The following RALYL variants were observed in gnomAD, a reference collection of about 807,000 sequenced individuals.
The protein encoded by RALYL is RALY RNA binding protein like, also known as RNA-binding Raly-like protein.
Under a neutral mutation model 35.1 loss-of-function variants are expected in RALYL, and 29 were observed. The ratio of observed to expected loss-of-function variants is 0.83; its 90% CI spans 0.61 to 1.13. The LOEUF is 1.13. RALYL is among the 50% of genes most tolerant of loss of function. The probability of loss-of-function intolerance (pLI) is 0.00; values close to 1 mark genes in which losing one functional copy is unlikely to be tolerated. For synonymous variants in RALYL, 120 were observed against 127.6 expected (o/e 0.94, Z 0.40); for missense variants, 359 against 360.4 (o/e 1.00, Z 0.03).
chr8:84,624,964 A>G (rs1280138028), intron 2 of RALYL, among the ~76,000 whole-genome samples: 1 of 152,196 alleles, frequency 6.6e-6, no homozygotes, highest in African/African-American at 2.4e-5. Context: ...TTTTATACAT[A>G]TAGAGAAATG....
intron 1 of RALYL, among the ~76,000 whole-genome samples, chr8:84,426,967 C>T (rs1331148350): frequency 6.6e-6 from 1 of 152,108 alleles, no homozygotes; most frequent in African/African-American, 2.4e-5. Flanking sequence ...GAAATGAAAT[C>T]ACCACCTCAT....
intron 3 of RALYL, among the ~76,000 whole-genome samples, chr8:84,798,516 C>T (rs1219514034): frequency 6.6e-6 from 1 of 152,150 alleles, no homozygotes; most frequent in East Asian, 1.9e-4. Context: ...AAGTCCCTTA[C>T]TTCTCCAAGG....
In RALYL at chr8:84,902,912, T is replaced by C. The variant is rs117980538; in HGVS notation, c.858+15136T>C. 2.2e-3 allele frequency among the ~76,000 whole-genome samples: 339 copies of C among 152,242 alleles called. 8 individuals carry two copies. In the East Asian group the frequency reaches 0.056, roughly 25 times the overall value. ...AGTGGACATGCCAATTATAGGAAGTTTTAGTAACATTGAAAGAAAAAAATT... is the reference window on the plus strand; with the variant it reads ...AGTGGACATGCCAATTATAGGAAGTCTTAGTAACATTGAAAGAAAAAAATT... On this transcript the variant is annotated intron_variant, in intron 8 of 8. Transcript: ENST00000521268.
intron 1 of RALYL, among the ~76,000 whole-genome samples, chr8:84,499,738 G>A (rs192052635): frequency 1.3e-5 from 2 of 152,148 alleles, no homozygotes; most frequent in African/African-American, 2.4e-5. Flanking sequence ...TGATTTAAGA[G>A]TTTATAAATG....
At chr8:84,375,270 C>T (rs1856687368) in intron 1 of RALYL, among the ~76,000 whole-genome samples, 1 of 151,802 alleles carries the variant, frequency 6.6e-6, no homozygotes, top group African/African-American at 2.4e-5. Flanking sequence ...ATCTTGACTG[C>T]AACCCACAAA....
At chr8:84,893,415 CT>C (rs574298946) in intron 8 of RALYL, among the ~76,000 whole-genome samples, 87 of 152,270 alleles carry the variant, frequency 5.7e-4, no homozygotes, top group Middle Eastern at 3.4e-3. Context: ...CTGTATTCCC[CT>C]TTATATAAAA....
chr8:84,826,996 A>G (rs1287145914), intron 4 of RALYL, among the ~76,000 whole-genome samples: 1 of 152,186 alleles, frequency 6.6e-6, no homozygotes, highest in Non-Finnish European at 1.5e-5. Context: ...TGCCCCTAGC[A>G]ATAGGAAAAT....
At chr8:84,454,326 C>A (rs151336570) in intron 1 of RALYL, among the ~76,000 whole-genome samples, 2,822 of 139,514 alleles carry the variant, frequency 0.02, 76 homozygotes, top group Non-Finnish European at 0.027. Context: ...GGAGGTAGGG[C>A]AAACCTTTTT....
In RALYL at chr8:84,283,100, G is replaced by A. The variant is rs147244885; in HGVS notation, c.-24+98676G>A. Reference sequence around the variant, plus strand: ...AAAGTATAATGAAGGAATTTGAAAAGCATTTGTACCATAAAGAATAACATA... The same window carrying A: ...AAAGTATAATGAAGGAATTTGAAAAACATTTGTACCATAAAGAATAACATA... On this transcript the variant is annotated intron_variant, in intron 1 of 8. Transcript: ENST00000521268. 5.7e-3 allele frequency among the ~76,000 whole-genome samples: 874 copies of A among 152,176 alleles called. 10 individuals carry two copies. Among genetic ancestry groups the A allele is most frequent in the African/African-American group, 0.019 (805 of 41,532 alleles).
rs191752386 is a variant in RALYL at position 84,413,668 on chromosome 8, T to C, written c.-23-115631T>C. Among the ~76,000 whole-genome samples, 449 of 152,216 alleles carry C rather than the reference T, an allele frequency of 2.9e-3. 1 individual carries two copies. Among genetic ancestry groups the C allele is most frequent in the Middle Eastern group, 0.017 (5 of 294 alleles). ...TTAGAACATCCATAAAAGTGCCAAGTTATTATAACTACTGCCTTATGATTC... is the reference window on the plus strand; with the variant it reads ...TTAGAACATCCATAAAAGTGCCAAGCTATTATAACTACTGCCTTATGATTC... On this transcript the variant is annotated intron_variant, in intron 1 of 8. Transcript: ENST00000521268.
intron 1 of RALYL, among the ~76,000 whole-genome samples, chr8:84,503,438 A>G (rs978156038): frequency 6.6e-6 from 1 of 151,840 alleles, no homozygotes; most frequent in African/African-American, 2.4e-5. Context: ...GATTACAGGC[A>G]TGAGCCACCA....
intron 2 of RALYL, among the ~76,000 whole-genome samples, chr8:84,730,570 A>C (rs988873094): frequency 1.3e-5 from 2 of 152,118 alleles, no homozygotes; most frequent in African/African-American, 4.8e-5. Context: ...AAGGGTATTC[A>C]ATTAGGAAAA....
chr8:84,311,053 CAAAA>C (rs34029529), intron 1 of RALYL, among the ~76,000 whole-genome samples: 29 of 9,512 alleles, frequency 3.0e-3, no homozygotes, highest in African/African-American at 4.6e-3. Context: ...GACTCCGTCT[CAAAA>C]AAAAAAAAAA....
intron 1 of RALYL, among the ~76,000 whole-genome samples, chr8:84,489,082 G>A (rs1420003723): frequency 2.6e-5 from 4 of 151,940 alleles, no homozygotes; most frequent in Non-Finnish European, 5.9e-5. Flanking sequence ...TATTATTTGT[G>A]TGCTCAAGGT....
intron 2 of RALYL, among the ~76,000 whole-genome samples, chr8:84,640,273 A>G (rs1162012718): frequency 1.3e-5 from 2 of 152,042 alleles, no homozygotes; most frequent in African/African-American, 4.8e-5. Context: ...TTTTTAAGGA[A>G]TTAAAAACCT....
intron 4 of RALYL, among the ~76,000 whole-genome samples, chr8:84,810,406 A>G (rs573856259): frequency 1.3e-5 from 2 of 152,192 alleles, no homozygotes; most frequent in African/African-American, 4.8e-5. Flanking sequence ...GGCCTATTGT[A>G]TGGCCTATGT....
intron 1 of RALYL, among the ~76,000 whole-genome samples, chr8:84,411,834 G>T (rs1295169630): frequency 6.6e-6 from 1 of 151,896 alleles, no homozygotes; most frequent in African/African-American, 2.4e-5. Context: ...TAGTGGTTAG[G>T]AGCAAAGGGG....
intron 2 of RALYL, among the ~76,000 whole-genome samples, chr8:84,687,926 A>G (rs1454753563): frequency 6.6e-6 from 1 of 151,922 alleles, no homozygotes; most frequent in Non-Finnish European, 1.5e-5. Flanking sequence ...TGCTCAGTTC[A>G]TTTTTTGGGC....
intron 6 of RALYL, chr8:84,864,811 T>A: frequency 1.6e-6 from 1 of 611,200 alleles, no homozygotes; most frequent in East Asian, 3.9e-5. Context: ...AGAGCTTCTG[T>A]GTAGTAGTCA....
Sources: gnomAD v4.1 joint callset for allele counts (sites outside exome capture counted in the v4.1 genomes callset) on GRCh38, gnomAD v4.1.1 for gene constraint, MANE v1.5 for transcripts, NCBI Gene and HGNC (gene_info 2026-07-23, HGNC 2026-07-21) for gene names.